Variants in HELZ observed in about 807,000 individuals in gnomAD.
The protein encoded by HELZ is ATP-dependent RNA helicase with zinc finger domain.
In HELZ, 23 loss-of-function variants were observed where a neutral mutation model predicts 218.2. The observed-to-expected ratio is 0.11, with a 90% CI of 0.08 to 0.15. The LOEUF (loss-of-function observed/expected upper bound fraction) is 0.15. HELZ is among the 10% of genes least tolerant of loss of function. The pLI is 1.00. For synonymous variants in HELZ, 814 were observed against 829.4 expected (o/e 0.98, Z 0.32); for missense variants, 1,813 against 2,353.7 (o/e 0.77, Z 4.75).
intron 28 of HELZ, among the ~76,000 whole-genome samples, chr17:67,110,146 C>T (rs780644825): frequency 1.8e-4 from 28 of 152,066 alleles, no homozygotes; most frequent in Non-Finnish European, 3.7e-4. Flanking sequence ...TGGCTCACTG[C>T]AATTTCTGCC....
chr17:67,147,928 C>T (rs534728230), intron 20 of HELZ, among the ~76,000 whole-genome samples: 1 of 152,378 alleles, frequency 6.6e-6, no homozygotes, highest in African/African-American at 2.4e-5. Flanking sequence ...CAGCTCTGCG[C>T]GCTTTCTCCC....
chr17:67,233,518 C>T (rs2041093971), intron 3 of HELZ, among the ~76,000 whole-genome samples: 1 of 152,176 alleles, frequency 6.6e-6, no homozygotes, highest in Admixed American at 6.5e-5. Flanking sequence ...AAGTCATGGA[C>T]TGGGAATCTT....
chr17:67,156,241 ATTAT>A (rs1370035310), intron 17 of HELZ, among the ~76,000 whole-genome samples: 6 of 152,086 alleles, frequency 3.9e-5, no homozygotes, highest in Non-Finnish European at 5.9e-5. Context: ...ACAAAAGCTA[ATTAT>A]TTGAGTCATT....
At chr17:67,129,365 TATATACACATACAC>T (rs891441732) in intron 23 of HELZ, among the ~76,000 whole-genome samples, 6 of 151,326 alleles carry the variant, frequency 4.0e-5, no homozygotes, top group Non-Finnish European at 7.4e-5. Flanking sequence ...TACATACACA[TATATACACATACAC>T]ATATATACAC....
intron 23 of HELZ, among the ~76,000 whole-genome samples, chr17:67,130,286 C>T (rs2037936765): frequency 6.6e-6 from 1 of 151,838 alleles, no homozygotes; most frequent in African/African-American, 2.4e-5. Context: ...TACTATACAA[C>T]TTATCCATGT....
At chr17:67,224,265 T>G (rs2040832713) in intron 3 of HELZ, 1 of 156,178 alleles carries the variant, frequency 6.4e-6, no homozygotes, top group African/African-American at 2.4e-5. Flanking sequence ...TCTGAGAAAC[T>G]ACAGGGGGTT....
At chr17:67,118,786 T>C (rs1268449772) in intron 27 of HELZ, among the ~76,000 whole-genome samples, 1 of 149,048 alleles carries the variant, frequency 6.7e-6, no homozygotes, top group South Asian at 2.1e-4. Flanking sequence ...CCAGAATGTA[T>C]AAAGAACTCT....
Position 67,145,910 on chromosome 17 carries a change from G to GA in HELZ, c.2622-21dup. ...GTATAACTGCAGTAAAAGACAAAAA[G>GA]AAAAAAGGGGGAAAATCTACATCAA... On this transcript the variant is annotated intron_variant, in intron 20 of 32. Transcript: ENST00000358691. 6.4e-7 allele frequency: 1 copy of GA among 1,563,622 alleles called. No individual in the cohort carries two copies. The highest frequency in any genetic ancestry group is 1.2e-5 in the South Asian group (1 of 80,960).
At chr17:67,107,148 G>A in intron 31 of HELZ, 21 bp downstream of exon 31, 1 of 1,571,782 alleles carries the variant, frequency 6.4e-7, no homozygotes. Flanking sequence ...AATAACAAAA[G>A]GAAAATAAGA....
At chr17:67,114,916 T>C (rs1598254339) in intron 27 of HELZ, among the ~76,000 whole-genome samples, 2 of 152,188 alleles carry the variant, frequency 1.3e-5, no homozygotes, top group South Asian at 2.1e-4. Flanking sequence ...GGGTGATAAA[T>C]AGTAGAGCAG....
chr17:67,122,956 G>C lies in HELZ; in HGVS notation c.3630+14C>G. ...TACTTGATTCAATAGAAAGTATTTC[G>C]AATGTCCACTTACAGGTAAAGGCAC... is the stretch of plus-strand genomic sequence containing the variant. On this transcript the variant is annotated intron_variant, in intron 26 of 32. Transcript: ENST00000358691. The C allele has an allele frequency of 6.4e-7, 1 of 1,560,354 alleles. No homozygotes were observed. The highest frequency in any genetic ancestry group is 1.2e-5 in the South Asian group (1 of 86,756).
chr17:67,144,411 C>T (rs2038429039), intron 21 of HELZ, among the ~76,000 whole-genome samples: 1 of 149,954 alleles, frequency 6.7e-6, no homozygotes, highest in African/African-American at 2.5e-5. Flanking sequence ...TCTAAAGTTA[C>T]ATGTTTAATA....
intron 21 of HELZ, among the ~76,000 whole-genome samples, chr17:67,142,951 G>C (rs529429696): frequency 1.3e-5 from 2 of 151,944 alleles, no homozygotes; most frequent in African/African-American, 2.4e-5. Context: ...TGTAGAGACG[G>C]GGTTTCACCA....
At chr17:67,100,388 C>T (rs914524000) in intron 31 of HELZ, among the ~76,000 whole-genome samples, 3 of 152,122 alleles carry the variant, frequency 2.0e-5, no homozygotes, top group African/African-American at 7.2e-5. Context: ...TTACTGAAAG[C>T]TGATCAAAGT....
intron 7 of HELZ, among the ~76,000 whole-genome samples, chr17:67,196,215 C>T (rs1232618527): frequency 6.6e-6 from 1 of 152,098 alleles, no homozygotes; most frequent in Non-Finnish European, 1.5e-5. Flanking sequence ...GCACTTACTG[C>T]TAGGTACCCC....
At position 67,108,406 on chromosome 17, in the gene HELZ, C is replaced by T; in HGVS notation, c.4724+86G>A. On this transcript the variant is annotated intron_variant, in intron 30 of 32. Transcript: ENST00000358691. The surrounding 1 kb of genome is among the most constrained non-coding windows in gnomAD (Gnocchi z 4.1). ...ATCCAATTTCTCTGAGGCAATATTC[C>T]AGCTTGAAGCTAAAAGGACTACAGT... 3 of 976,482 alleles carry T rather than the reference C, an allele frequency of 3.1e-6. No individual in the cohort carries two copies. The highest frequency in any genetic ancestry group is 4.7e-6 in the Non-Finnish European group (3 of 632,028). 60.5% of individuals were successfully genotyped at this position (976,482 alleles called of 1,614,324 possible).
intron 7 of HELZ, 180 bp downstream of exon 7, chr17:67,200,949 T>A: frequency 1.7e-6 from 1 of 592,640 alleles, no homozygotes; most frequent in South Asian, 2.0e-5. Flanking sequence ...AGAAGCAGCA[T>A]TCCCACGATG....
intron 31 of HELZ, among the ~76,000 whole-genome samples, chr17:67,098,730 C>T (rs1418020507): frequency 6.6e-6 from 1 of 152,110 alleles, no homozygotes; most frequent in Middle Eastern, 3.4e-3. Context: ...GGTGACAGAG[C>T]GAGACTCCAT....
chr17:67,167,853 T>C, intron 13 of HELZ, 57 bp from the exon 14 acceptor site: 1 of 1,167,232 alleles, frequency 8.6e-7, no homozygotes, highest in Non-Finnish European at 1.2e-6. Context: ...ATATAAAAAC[T>C]AGAAGAGTGA....
Sources: gnomAD v4.1 joint callset for allele counts (sites outside exome capture counted in the v4.1 genomes callset) on GRCh38, gnomAD v4.1.1 for gene constraint, Gnocchi (gnomAD v3.1) non-coding constraint, MANE v1.5 for transcripts, NCBI Gene and HGNC (gene_info 2026-07-23, HGNC 2026-07-21) for gene names.